FAT3: variants seen among roughly 807,000 people sequenced by gnomAD.
FAT3 encodes FAT atypical cadherin 3.
Under a neutral mutation model 310.2 loss-of-function variants are expected in FAT3, and 95 were observed. That is an observed-to-expected ratio of 0.31 (90% CI 0.26 to 0.36). The LOEUF is 0.36. Ranked by LOEUF, FAT3 falls within the 10% of genes least tolerant of loss-of-function variation. FAT3 has a pLI of 1.00. For missense variants in FAT3, 5,408 were observed against 5,715.6 expected (o/e 0.95, Z 1.74); for synonymous variants, 2,314 against 2,192.9 (o/e 1.06, Z -1.54).
At chr11:92,280,880 C>G (rs962995614) in intron 1 of FAT3, among the ~76,000 whole-genome samples, 2 of 152,132 alleles carry the variant, frequency 1.3e-5, no homozygotes, top group Non-Finnish European at 2.9e-5. Context: ...TCTTCCATTT[C>G]CTAGTATGTT....
intron 1 of FAT3, among the ~76,000 whole-genome samples, chr11:92,331,832 G>A (rs1947931267): frequency 6.6e-6 from 1 of 152,150 alleles, no homozygotes; most frequent in African/African-American, 2.4e-5. Context: ...TTTGTAAGTG[G>A]AAAAATAATA....
chr11:92,610,248 G>A (rs558139170), intron 3 of FAT3, among the ~76,000 whole-genome samples: 11 of 152,228 alleles, frequency 7.2e-5, no homozygotes, highest in African/African-American at 2.4e-4. Flanking sequence ...GCATCTAGCC[G>A]ATGTATAGCT....
intron 3 of FAT3, among the ~76,000 whole-genome samples, chr11:92,601,132 G>A (rs1940001307): frequency 6.6e-6 from 1 of 151,370 alleles, no homozygotes; most frequent in Non-Finnish European, 1.5e-5. Context: ...TTTTTTAAGT[G>A]GGGAGTGATA....
At chr11:92,494,193 A>G (rs1952688344) in intron 2 of FAT3, among the ~76,000 whole-genome samples, 1 of 151,958 alleles carries the variant, frequency 6.6e-6, no homozygotes, top group Non-Finnish European at 1.5e-5. Flanking sequence ...CACGAGAACA[A>G]CATGGAGGAA....
chr11:92,856,278 C>T (rs150548457), intron 19 of FAT3, among the ~76,000 whole-genome samples: 251 of 152,304 alleles, frequency 1.6e-3, no homozygotes, highest in African/African-American at 5.9e-3. Flanking sequence ...CTCCTTTAGG[C>T]TATGCCTAAC....
chr11:92,371,570 A>G (rs749332811), intron 2 of FAT3, among the ~76,000 whole-genome samples: 1 of 152,162 alleles, frequency 6.6e-6, no homozygotes, highest in Non-Finnish European at 1.5e-5. Context: ...TACAAAAATC[A>G]GCCGAGTGTG....
intron 3 of FAT3, among the ~76,000 whole-genome samples, chr11:92,691,310 C>G (rs534728297): frequency 1.1e-3 from 164 of 152,300 alleles, no homozygotes; most frequent in African/African-American, 3.8e-3. Flanking sequence ...AGACAGATGA[C>G]TTTGCCAATG....
chr11:92,311,240 G>A (rs182525174), intron 1 of FAT3, among the ~76,000 whole-genome samples: 400 of 151,978 alleles, frequency 2.6e-3, no homozygotes, highest in African/African-American at 9.4e-3. Flanking sequence ...TTATGCAGTT[G>A]GAAACCAACT....
At chr11:92,546,341 A>G (rs952448920) in intron 3 of FAT3, among the ~76,000 whole-genome samples, 31 of 152,176 alleles carry the variant, frequency 2.0e-4, no homozygotes, top group African/African-American at 6.8e-4. Flanking sequence ...GCTAAGGAAA[A>G]CAGTGTTTCA....
chr11:92,514,078 TG>T (rs1953396193), intron 2 of FAT3, among the ~76,000 whole-genome samples: 1 of 152,328 alleles, frequency 6.6e-6, no homozygotes, highest in South Asian at 2.1e-4. Context: ...ACTGATTCAG[TG>T]AGCACAATGT....
intron 1 of FAT3, among the ~76,000 whole-genome samples, chr11:92,279,906 G>C (rs908044147): frequency 3.3e-5 from 5 of 152,112 alleles, no homozygotes; most frequent in African/African-American, 1.2e-4. Flanking sequence ...TCTCATGCTA[G>C]GTTAGTAGTG....
At chr11:92,469,949 A>G (rs1951865065) in intron 2 of FAT3, among the ~76,000 whole-genome samples, 1 of 152,222 alleles carries the variant, frequency 6.6e-6, no homozygotes, top group South Asian at 2.1e-4. Context: ...TGTAACAGTT[A>G]AATATCTGGA....
intron 3 of FAT3, among the ~76,000 whole-genome samples, chr11:92,584,420 T>C (rs1013442023): frequency 6.6e-6 from 1 of 152,106 alleles, no homozygotes; most frequent in African/African-American, 2.4e-5. Context: ...GCTTTTGAGT[T>C]GGCATTTTAG....
intron 1 of FAT3, among the ~76,000 whole-genome samples, chr11:92,231,293 A>C (rs934781218): frequency 2.4e-4 from 37 of 152,016 alleles, no homozygotes; most frequent in African/African-American, 8.9e-4. Context: ...CATCATTTAG[A>C]TCTGTTGCTT....
intron 2 of FAT3, chr11:92,366,567 C>T (rs374659334): frequency 1.0e-4 from 51 of 511,990 alleles, no homozygotes; most frequent in African/African-American, 2.5e-4. Context: ...GAACTGCATG[C>T]GCCTGATGGG....
At chr11:92,486,134 T>G (rs1226602136) in intron 2 of FAT3, among the ~76,000 whole-genome samples, 1 of 118,904 alleles carries the variant, frequency 8.4e-6, no homozygotes, top group African/African-American at 3.6e-5. Context: ...GCTGGGGTTT[T>G]TTTTTTTTTT....
At chr11:92,552,327 T>G (rs1234233032) in intron 3 of FAT3, among the ~76,000 whole-genome samples, 2 of 152,190 alleles carry the variant, frequency 1.3e-5, no homozygotes, top group Non-Finnish European at 2.9e-5. Flanking sequence ...TGTGAATAAA[T>G]AAATTGTAAA....
At chr11:92,654,010 A>G (rs1194703111) in intron 3 of FAT3, among the ~76,000 whole-genome samples, 1 of 152,104 alleles carries the variant, frequency 6.6e-6, no homozygotes, top group Non-Finnish European at 1.5e-5. Context: ...AAATTACCCC[A>G]TTATAAGGTA....
At chr11:92,576,545 C>T (rs1938495358) in intron 3 of FAT3, among the ~76,000 whole-genome samples, 2 of 152,194 alleles carry the variant, frequency 1.3e-5, no homozygotes, top group South Asian at 4.2e-4. Flanking sequence ...ATAATCGATT[C>T]AAATTCTAGC....
Sources: allele counts gnomAD v4.1 joint callset (sites outside exome capture counted in the v4.1 genomes callset), GRCh38; gene constraint gnomAD v4.1.1; transcripts MANE v1.5; gene names NCBI Gene and HGNC (gene_info 2026-07-23, HGNC 2026-07-21).